HDAC9: variants seen among roughly 807,000 people sequenced by gnomAD.
The protein encoded by HDAC9 is MEF-2 interacting transcription repressor (MITR) protein.
In HDAC9, 41 loss-of-function variants were observed where a neutral mutation model predicts 139.4. The ratio of observed to expected loss-of-function variants is 0.29; its 90% CI spans 0.23 to 0.38. The LOEUF is 0.38. Ranked by LOEUF, HDAC9 falls within the 10% of genes least tolerant of loss-of-function variation. HDAC9 has a pLI of 1.00. For missense variants in HDAC9, 1,147 were observed against 1,297.0 expected, an observed-to-expected ratio of 0.88 and a Z score of 1.78; for synonymous variants, 517 against 476.2, an observed-to-expected ratio of 1.09 and a Z score of -1.12.
intron 12 of HDAC9, among the ~76,000 whole-genome samples, chr7:18,691,568 A>G (rs1782676820): frequency 6.6e-6 from 1 of 151,996 alleles, no homozygotes; most frequent in African/African-American, 2.4e-5. Flanking sequence ...GGGGAAGAAA[A>G]CACAGACCAC....
intron 25 of HDAC9, among the ~76,000 whole-genome samples, chr7:18,987,305 TC>T (rs1411796376): frequency 1.3e-5 from 2 of 152,244 alleles, no homozygotes; most frequent in Non-Finnish European, 2.9e-5. Context: ...AGAGGCCTTT[TC>T]TGCATCTATT....
intron 3 of HDAC9, among the ~76,000 whole-genome samples, chr7:18,587,230 AT>A (rs1312651294): frequency 1.3e-5 from 2 of 152,156 alleles, no homozygotes; most frequent in Admixed American, 1.3e-4. Flanking sequence ...TAGATAATTA[AT>A]TGTTCATTTG....
intron 1 of HDAC9, among the ~76,000 whole-genome samples, chr7:18,481,978 T>C (rs960355158): frequency 3.9e-5 from 6 of 152,136 alleles, no homozygotes; most frequent in Non-Finnish European, 7.4e-5. Context: ...GTGGGTGACT[T>C]TATGTGCCAA....
intron 24 of HDAC9, among the ~76,000 whole-genome samples, chr7:18,974,637 G>T (rs1372338405): frequency 6.6e-6 from 1 of 152,230 alleles, no homozygotes; most frequent in East Asian, 1.9e-4. Flanking sequence ...ACCTATGTCA[G>T]ATGGTCTTGT....
At chr7:18,465,428 T>C (rs1022357649) in intron 1 of HDAC9, among the ~76,000 whole-genome samples, 5 of 152,174 alleles carry the variant, frequency 3.3e-5, no homozygotes, top group African/African-American at 1.2e-4. Context: ...ATATTCATTA[T>C]TAAGAAAGAG....
Position 19,001,499 on chromosome 7 carries a change from A to T in HDAC9, c.*5437A>T, listed in dbSNP as rs534710472. The T allele has an allele frequency of 6.6e-6, 1 of 151,714 alleles. No individual in the cohort carries two copies. Among genetic ancestry groups the T allele is most frequent in the South Asian group, 2.1e-4 (1 of 4,810 alleles). 9.4% of individuals were successfully genotyped at this position (151,714 alleles called of 1,614,324 possible). A position where few individuals can be genotyped will look rare whatever the true frequency, so the allele number is the denominator to read the frequency against. The stretch of plus-strand genomic sequence containing the variant: ...CAATTCATAGAGATCTTGCAGCAAT[A>T]TTTGGCTATTGGTTTTATTAACTTA... On this transcript the variant is annotated 3_prime_UTR_variant, in exon 26 of 26. Transcript: ENST00000686413.
chr7:18,650,675 G>T, intron 11 of HDAC9, among the ~76,000 whole-genome samples: 1 of 152,164 alleles, frequency 6.6e-6, no homozygotes, highest in Non-Finnish European at 1.5e-5. Flanking sequence ...TTCCCATGTG[G>T]AGCTGATTCC....
At chr7:18,528,061 C>G (rs1417362938) in intron 2 of HDAC9, among the ~76,000 whole-genome samples, 2 of 151,856 alleles carry the variant, frequency 1.3e-5, no homozygotes, top group Non-Finnish European at 2.9e-5. Context: ...GAGGGCGAGG[C>G]AGTAGGATCA....
chr7:18,484,113 T>C (rs1028556237), intron 1 of HDAC9, among the ~76,000 whole-genome samples: 4 of 138,472 alleles, frequency 2.9e-5, no homozygotes, highest in African/African-American at 1.1e-4. Flanking sequence ...GAGGCTGAGG[T>C]GGGAGGATTG....
In HDAC9 at chr7:18,996,162, C is replaced by G. The variant is rs1009043162; in HGVS notation, c.*100C>G. ...TGTCTTGTCTGCTGCCTGGGTGGCACAGATTCAATGGAACATAAACACTGG... is the reference window on the plus strand; with the variant it reads ...TGTCTTGTCTGCTGCCTGGGTGGCAGAGATTCAATGGAACATAAACACTGG... On this transcript the variant is annotated 3_prime_UTR_variant, in exon 26 of 26. Transcript: ENST00000686413. 3.6e-6 allele frequency: 3 copies of G among 824,252 alleles called. No homozygotes were observed. Among genetic ancestry groups the G allele is most frequent in the Non-Finnish European group, 5.9e-6 (3 of 507,622 alleles). The allele number at this position is 824,252 out of a possible 1,614,324, so 51.1% of individuals were successfully genotyped here.
chr7:18,596,444 T>G (rs1053142284), intron 6 of HDAC9, among the ~76,000 whole-genome samples: 35 of 152,096 alleles, frequency 2.3e-4, no homozygotes, highest in Non-Finnish European at 2.4e-4. Flanking sequence ...ATGAGAAAAT[T>G]TAGACATATA....
chr7:18,713,173 T>C (rs1784464371), intron 12 of HDAC9, among the ~76,000 whole-genome samples: 1 of 152,058 alleles, frequency 6.6e-6, no homozygotes, highest in African/African-American at 2.4e-5. Flanking sequence ...GAGAAATGAG[T>C]GTCATAAAAA....
chr7:18,126,685 T>C (rs554361803), intron 1 of HDAC9, among the ~76,000 whole-genome samples: 186 of 152,294 alleles, frequency 1.2e-3, no homozygotes, highest in African/African-American at 4.3e-3. Context: ...TTTTTCAATT[T>C]AGTTTATTGG....
intron 1 of HDAC9, among the ~76,000 whole-genome samples, chr7:18,455,883 A>G (rs747360295): frequency 1.6e-4 from 24 of 152,296 alleles, no homozygotes; most frequent in Non-Finnish European, 2.2e-4. Context: ...TTTATCATCA[A>G]TTAGTGCCAA....
chr7:18,200,769 G>C (rs1050913505), intron 2 of HDAC9, among the ~76,000 whole-genome samples: 3 of 152,038 alleles, frequency 2.0e-5, no homozygotes, highest in African/African-American at 7.2e-5. Flanking sequence ...CTTTCACAGA[G>C]GTCAATGTCC....
chr7:18,846,657 T>TA (rs1025885530), intron 21 of HDAC9, among the ~76,000 whole-genome samples: 1 of 152,220 alleles, frequency 6.6e-6, no homozygotes, highest in African/African-American at 2.4e-5. Context: ...TCTGACAAAC[T>TA]AAATAAATTA....
At chr7:18,473,334 A>G (rs1427486776) in intron 1 of HDAC9, among the ~76,000 whole-genome samples, 2 of 152,210 alleles carry the variant, frequency 1.3e-5, no homozygotes, top group Non-Finnish European at 2.9e-5. Flanking sequence ...TGCCTCTAAC[A>G]TTAACTCAGA....
At chr7:18,623,523 T>A (rs1840797401) in intron 6 of HDAC9, among the ~76,000 whole-genome samples, 1 of 152,206 alleles carries the variant, frequency 6.6e-6, no homozygotes, top group Non-Finnish European at 1.5e-5. Context: ...TTTTTTTTTA[T>A]GATAGACAAC....
intron 1 of HDAC9, among the ~76,000 whole-genome samples, chr7:18,437,946 C>G (rs1002197533): frequency 5.7e-4 from 85 of 147,966 alleles, no homozygotes; most frequent in Middle Eastern, 3.5e-3. Flanking sequence ...TATAACGTTA[C>G]ACACACACAC....
Sources: gnomAD v4.1 joint callset for allele counts (sites outside exome capture counted in the v4.1 genomes callset) on GRCh38, gnomAD v4.1.1 for gene constraint, MANE v1.5 for transcripts, NCBI Gene and HGNC (gene_info 2026-07-23, HGNC 2026-07-21) for gene names.